The following ECPAS variants were observed in gnomAD, a reference collection of about 807,000 sequenced individuals.
ECPAS encodes the protein Ecm29 proteasome adaptor and scaffold, also known as proteasome adapter and scaffold protein ECM29.
In ECPAS, 70 loss-of-function variants were observed where a neutral mutation model predicts 255.1. The observed-to-expected ratio is 0.27, with a 90% CI of 0.23 to 0.33. ECPAS has a LOEUF of 0.33. Among genes scored for constraint, ECPAS ranks in the 10% least tolerant of loss-of-function variants. ECPAS has a pLI of 1.00. For missense variants in ECPAS, 1,817 were observed against 2,206.4 expected (o/e 0.82, Z 3.54); for synonymous variants, 784 against 775.0 (o/e 1.01, Z -0.19).
chr9:111,454,388 C>G (rs914735032), intron 2 of ECPAS, among the ~76,000 whole-genome samples: 1 of 152,132 alleles, frequency 6.6e-6, no homozygotes, highest in African/African-American at 2.4e-5. Context: ...TTGGATGCTT[C>G]TATGTATGCC....
rs1007368100 is a variant in ECPAS at position 111,404,494 on chromosome 9, T to TG, written c.2652+4076dup. Among the ~76,000 whole-genome samples, 12 of 148,334 alleles carry TG rather than the reference T, an allele frequency of 8.1e-5. 1 individual carries two copies. Among genetic ancestry groups the TG allele is most frequent in the South Asian group, 2.1e-4 (1 of 4,688 alleles). On this transcript the variant is annotated intron_variant, in intron 24 of 49. Coordinates refer to ENST00000684092, the MANE Select transcript of ECPAS (RefSeq NM_001364929.1). ...CCCCAATGTTGGAGGAGAGGCCTGG[T>TG]GGGGGGGTGACTGGATCTTGGGGGT...
chr9:111,370,653 G>T (rs1216499834), intron 44 of ECPAS, 26 bp from the exon 45 acceptor site: 2 of 1,607,812 alleles, frequency 1.2e-6, no homozygotes, highest in Non-Finnish European at 1.7e-6. Flanking sequence ...AAAAGCATCA[G>T]AAGTTAATAA....
chr9:111,470,562 G>A lies in ECPAS; in HGVS notation c.22+2335C>T, dbSNP rs551436495. ...CCTGACCTCGTGATCCGCCCGCCTC[G>A]GCCTCCCAAAGTGCTGGGATTACAG... On this transcript the variant is annotated intron_variant, in intron 2 of 49. Coordinates refer to ENST00000684092, the MANE Select transcript of ECPAS (RefSeq NM_001364929.1). Among the ~76,000 whole-genome samples, 11 of 152,102 alleles carry A rather than the reference G, an allele frequency of 7.2e-5. No homozygotes were observed. The South Asian group carries it at 1.5e-3, about 20-fold the overall frequency.
intron 26 of ECPAS, among the ~76,000 whole-genome samples, 175 bp from the exon 27 acceptor site, chr9:111,393,909 G>A (rs1010513955): frequency 3.3e-5 from 5 of 152,138 alleles, no homozygotes; most frequent in African/African-American, 9.7e-5. Flanking sequence ...CCACTTACAC[G>A]TAGTCTAACA....
chr9:111,419,751 C>A (rs2098210341), intron 16 of ECPAS, among the ~76,000 whole-genome samples: 1 of 150,216 alleles, frequency 6.7e-6, no homozygotes, highest in Admixed American at 6.7e-5. Flanking sequence ...CATTTCATAA[C>A]CATTTTCTGT....
chr9:111,447,298 T>C (rs1300210848), intron 3 of ECPAS, among the ~76,000 whole-genome samples: 1 of 152,074 alleles, frequency 6.6e-6, no homozygotes, highest in Non-Finnish European at 1.5e-5. Context: ...TTTTTTTCTT[T>C]CTTTTTGGCA....
intron 1 of ECPAS, chr9:111,483,890 A>G (rs1337989969): frequency 3.9e-5 from 22 of 559,522 alleles, no homozygotes; most frequent in Admixed American, 6.6e-5. Context: ...CCGGTTTTAT[A>G]TTTAGAAAGA....
At chr9:111,454,029 G>T (rs940485251) in intron 2 of ECPAS, among the ~76,000 whole-genome samples, 2 of 151,354 alleles carry the variant, frequency 1.3e-5, no homozygotes, top group Non-Finnish European at 3.0e-5. Flanking sequence ...AGGAAAGAAA[G>T]GCTCAATCTG....
At chr9:111,475,132 C>T (rs1589242212) in intron 1 of ECPAS, among the ~76,000 whole-genome samples, 8 of 152,174 alleles carry the variant, frequency 5.3e-5, no homozygotes, top group Admixed American at 4.6e-4. Flanking sequence ...TACATTTGCA[C>T]ATAAATCTGT....
At position 111,389,663 on chromosome 9, in the gene ECPAS, GA is replaced by G; in HGVS notation, c.3339del (p.Leu1114CysfsTer4). 1 of 1,613,916 alleles carries G rather than the reference GA, an allele frequency of 6.2e-7. No homozygotes were observed. The highest frequency in any genetic ancestry group is 8.5e-7 in the Non-Finnish European group (1 of 1,179,842). ...ATRAGEQLAP[F>X]LPQLVPRLYR... ...TAAAGTCGAGGAACTAGCTGAGGCA[GA>G]AAAGGAGCCAGCTGCTCTCCAGCTC... On this transcript the variant is annotated frameshift_variant, in exon 31 of 50. Coordinates refer to ENST00000684092, the MANE Select transcript of ECPAS (RefSeq NM_001364929.1). LOFTEE classifies it high-confidence loss of function.
chr9:111,385,941 C>T (rs530596488), intron 32 of ECPAS, among the ~76,000 whole-genome samples: 11 of 152,204 alleles, frequency 7.2e-5, no homozygotes, highest in African/African-American at 2.6e-4. Flanking sequence ...AAGAAATATG[C>T]TTTTTGGTAG....
At chr9:111,381,298 G>C (rs1429200869) in intron 35 of ECPAS, among the ~76,000 whole-genome samples, 1 of 152,188 alleles carries the variant, frequency 6.6e-6, no homozygotes. Flanking sequence ...GAGGGAGAGA[G>C]ATGGGGAACA....
chr9:111,425,551 C>T, intron 11 of ECPAS, 55 bp from the exon 12 acceptor site: 1 of 1,248,752 alleles, frequency 8.0e-7, no homozygotes, highest in African/African-American at 1.5e-5. Flanking sequence ...GACTACATAT[C>T]TTTACGGATG....
At position 111,483,607 on chromosome 9, in the gene ECPAS, C is replaced by A. The variant is rs1330900267; in HGVS notation, c.-83+509G>T. On this transcript the variant is annotated intron_variant, in intron 1 of 49. Transcript: ENST00000684092. ...CAGGGCGCGGCCGGGGGGCTCGCGG[C>A]TCGCGGTGCGGCAGGGGCCGCGAGC... The A allele has an allele frequency of 1.9e-5, 8 of 413,206 alleles. No individual in the cohort carries two copies. The Admixed American group carries it at 2.7e-4, about 14-fold the overall frequency. 25.6% of individuals were successfully genotyped at this position (413,206 alleles called of 1,614,324 possible). A position where few individuals can be genotyped will look rare whatever the true frequency, so the allele number is the denominator to read the frequency against.
In ECPAS at chr9:111,454,215, G is replaced by C. The variant is rs567138509; in HGVS notation, c.23-2660C>G. The stretch of plus-strand genomic sequence containing the variant: ...AATCTGAGCTACAGAAACTGTAAAA[G>C]AAGTGTTCTGTGGACAAAGGCAGAA... On this transcript the variant is annotated intron_variant, in intron 2 of 49. Transcript: ENST00000684092. Among the ~76,000 whole-genome samples the C allele has an allele frequency of 2.1e-3, 314 of 148,688 alleles. 1 individual carries two copies. Among genetic ancestry groups the C allele is most frequent in the Admixed American group, 5.0e-3 (73 of 14,722 alleles).
rs186668073 is a variant in ECPAS at position 111,395,291 on chromosome 9, A to G, written c.2777-986T>C. On this transcript the variant is annotated intron_variant, in intron 25 of 49. Transcript: ENST00000684092. Reference sequence around the variant, plus strand: ...GCCCAGGATATTATGTAGAGATGTTAAGACGGCTAAGACCTGGGCCCTAAC... The same window carrying G: ...GCCCAGGATATTATGTAGAGATGTTGAGACGGCTAAGACCTGGGCCCTAAC... Among the ~76,000 whole-genome samples, 9 of 152,268 alleles carry G rather than the reference A, an allele frequency of 5.9e-5. No homozygotes were observed. In the East Asian group the frequency reaches 1.7e-3, roughly 29 times the overall value.
At position 111,370,715 on chromosome 9, in the gene ECPAS, C is replaced by G; in HGVS notation, c.4781+7G>C. The G allele has an allele frequency of 1.9e-6, 3 of 1,607,370 alleles. No homozygotes were observed. Among genetic ancestry groups the G allele is most frequent in the Non-Finnish European group, 2.5e-6 (3 of 1,176,868 alleles). The stretch of plus-strand genomic sequence containing the variant: ...AGAAATGGCATCTTCATTGAAAGAA[C>G]ATTTACCTGCAAGCTGTCACCACAC... On this transcript the variant is annotated splice_region_variant and intron_variant, in intron 44 of 49. Coordinates refer to ENST00000684092, the MANE Select transcript of ECPAS (RefSeq NM_001364929.1).
At chr9:111,482,898 G>C (rs1023265644) in intron 1 of ECPAS, among the ~76,000 whole-genome samples, 1 of 152,144 alleles carries the variant, frequency 6.6e-6, no homozygotes, top group African/African-American at 2.4e-5. Flanking sequence ...CGGGAAGGCT[G>C]CACCGCGTAC....
chr9:111,439,407 T>A (rs1010034522), intron 6 of ECPAS, among the ~76,000 whole-genome samples: 39 of 152,264 alleles, frequency 2.6e-4, no homozygotes, highest in African/African-American at 9.4e-4. Context: ...TAGCTGGGAC[T>A]ATAGGTGCAT....
Sources: allele counts gnomAD v4.1 joint callset (sites outside exome capture counted in the v4.1 genomes callset), GRCh38; gene constraint gnomAD v4.1.1; transcripts MANE v1.5; gene names NCBI Gene and HGNC (gene_info 2026-07-23, HGNC 2026-07-21).